FRMPD4: variants seen among roughly 807,000 people sequenced by gnomAD.
The protein encoded by FRMPD4 is FERM and PDZ domain containing 4.
Under a neutral mutation model 94.1 loss-of-function variants are expected in FRMPD4, and 22 were observed. That is an observed-to-expected ratio of 0.23 (90% CI 0.17 to 0.33). The LOEUF (loss-of-function observed/expected upper bound fraction) is 0.33, where lower values mean the gene tolerates loss of function less well. FRMPD4 is among the 10% of genes least tolerant of loss of function. The pLI is 1.00. For missense variants in FRMPD4, 1,111 were observed against 1,339.9 expected, an observed-to-expected ratio of 0.83 and a Z score of 2.67; for synonymous variants, 631 against 548.6, an observed-to-expected ratio of 1.15 and a Z score of -2.10.
chrX:12,224,648 C>A (rs972322496), intron 1 of FRMPD4, among the ~76,000 whole-genome samples: 2 of 111,603 alleles, frequency 1.8e-5, no homozygotes, highest in African/African-American at 6.5e-5. Flanking sequence ...CCTAACAGCA[C>A]TATTTTCCTT....
intron 3 of FRMPD4, among the ~76,000 whole-genome samples, chrX:12,064,800 G>A (rs1329353434): frequency 8.9e-6 from 1 of 111,982 alleles, no homozygotes; most frequent in Non-Finnish European, 1.9e-5. Flanking sequence ...ACAGTAATTA[G>A]TTGAGCTCCA....
chrX:12,683,781 G>A (rs887173850), intron 6 of FRMPD4, among the ~76,000 whole-genome samples, 194 bp downstream of exon 6: 1 of 112,165 alleles, frequency 8.9e-6, no homozygotes, highest in African/African-American at 3.2e-5. Context: ...CCTCTAGCAC[G>A]GTCAGAATAT....
At chrX:12,126,596 A>G (rs1031456578) in intron 3 of FRMPD4, among the ~76,000 whole-genome samples, 1 of 111,108 alleles carries the variant, frequency 9.0e-6, no homozygotes, top group Non-Finnish European at 1.9e-5. Flanking sequence ...TGAGTAGGGG[A>G]GGGAGTTTGA....
intron 1 of FRMPD4, among the ~76,000 whole-genome samples, chrX:12,435,702 G>C (rs757090430): frequency 2.6e-4 from 29 of 111,435 alleles, no homozygotes; most frequent in Middle Eastern, 4.2e-3. Context: ...GGTTATGCTA[G>C]TCTCTAGAAA....
intron 2 of FRMPD4, among the ~76,000 whole-genome samples, chrX:12,538,974 T>C (rs2058372862): frequency 8.9e-6 from 1 of 112,027 alleles, no homozygotes; most frequent in Non-Finnish European, 1.9e-5. Flanking sequence ...AGGCTTCAGA[T>C]GATCAAACTT....
chrX:12,121,640 C>A (rs1295366355), intron 3 of FRMPD4, among the ~76,000 whole-genome samples: 1 of 111,569 alleles, frequency 9.0e-6, no homozygotes, highest in Non-Finnish European at 1.9e-5. Flanking sequence ...GTGAGAATCT[C>A]TCTGAGAGTG....
intron 3 of FRMPD4, among the ~76,000 whole-genome samples, chrX:11,992,728 A>G (rs1354791645): frequency 9.0e-6 from 1 of 111,679 alleles, no homozygotes; most frequent in Non-Finnish European, 1.9e-5. Context: ...TTCAAGCCCC[A>G]CTGGAGTTCT....
chrX:12,425,328 C>T (rs2056932966), intron 1 of FRMPD4, among the ~76,000 whole-genome samples: 1 of 111,792 alleles, frequency 8.9e-6, no homozygotes, highest in East Asian at 2.8e-4. Flanking sequence ...TTTCTTGTTC[C>T]CTTCTCTTCA....
At chrX:12,339,254 C>G (rs1277872823) in intron 1 of FRMPD4, among the ~76,000 whole-genome samples, 1 of 112,051 alleles carries the variant, frequency 8.9e-6, no homozygotes, top group Non-Finnish European at 1.9e-5. Context: ...AGGCATTTTT[C>G]TCATATCAGG....
chrX:11,918,570 C>T (rs955437992), intron 3 of FRMPD4, among the ~76,000 whole-genome samples: 2 of 112,380 alleles, frequency 1.8e-5, no homozygotes, highest in Non-Finnish European at 3.8e-5. Flanking sequence ...TGCCATTGCA[C>T]TCCAGCCTGG....
chrX:11,989,131 ATATATCAAAGAGATAAGAAGTCAG>A (rs2054449898), intron 3 of FRMPD4, among the ~76,000 whole-genome samples: 1 of 111,958 alleles, frequency 8.9e-6, no homozygotes, highest in Non-Finnish European at 1.9e-5. Flanking sequence ...AAGGAAGTAA[ATATATCAAAGAGATAAGAAGTCAG>A]TATATCAAAG....
chrX:12,083,257 C>A (rs749569321), intron 3 of FRMPD4, among the ~76,000 whole-genome samples: 2 of 113,048 alleles, frequency 1.8e-5, no homozygotes, highest in Non-Finnish European at 3.7e-5. Flanking sequence ...CCAGCCATGG[C>A]TGAAAGGGGC....
At chrX:12,313,875 T>A (rs1376999759) in intron 1 of FRMPD4, among the ~76,000 whole-genome samples, 1 of 112,067 alleles carries the variant, frequency 8.9e-6, no homozygotes, top group Non-Finnish European at 1.9e-5. Flanking sequence ...TGAATTTTTC[T>A]AAAATTTCTC....
At chrX:12,394,655 C>T (rs780499017) in intron 1 of FRMPD4, among the ~76,000 whole-genome samples, 5 of 111,260 alleles carry the variant, frequency 4.5e-5, no homozygotes, top group African/African-American at 9.8e-5. Flanking sequence ...TCACCCGCCT[C>T]CCTCCCTTCT....
chrX:11,840,778 T>C (rs1687840748), intron 1 of FRMPD4, among the ~76,000 whole-genome samples: 1 of 108,244 alleles, frequency 9.2e-6, no homozygotes, highest in Admixed American at 9.9e-5. Context: ...AGTTTTAGGG[T>C]ACATGTGCAC....
intron 3 of FRMPD4, among the ~76,000 whole-genome samples, chrX:12,022,092 A>G: frequency 8.9e-6 from 1 of 112,558 alleles, no homozygotes. Context: ...ATGAGTTCTC[A>G]GCCAGAAATG....
At chrX:11,934,931 C>G (rs915057783) in intron 3 of FRMPD4, among the ~76,000 whole-genome samples, 1 of 111,709 alleles carries the variant, frequency 9.0e-6, no homozygotes, top group African/African-American at 3.3e-5. Context: ...ATTATGTGAA[C>G]AGCAAAATTA....
chrX:11,852,542 T>C (rs1417042922), intron 1 of FRMPD4, among the ~76,000 whole-genome samples: 1 of 111,157 alleles, frequency 9.0e-6, no homozygotes, highest in African/African-American at 3.3e-5. Flanking sequence ...ACCCAGTCTA[T>C]ATGCTATCCT....
chrX:11,925,642 C>A (rs995862709), intron 3 of FRMPD4, among the ~76,000 whole-genome samples: 9 of 111,870 alleles, frequency 8.0e-5, no homozygotes, highest in Non-Finnish European at 1.7e-4. Context: ...TAACCTGCTC[C>A]TGAATGACTT....
Sources: allele counts gnomAD v4.1 joint callset (sites outside exome capture counted in the v4.1 genomes callset), GRCh38; gene constraint gnomAD v4.1.1; transcripts MANE v1.5; gene names NCBI Gene and HGNC (gene_info 2026-07-23, HGNC 2026-07-21).